Variants in FAM13A observed in about 807,000 individuals in gnomAD.
FAM13A encodes protein FAM13A.
Under a neutral mutation model 129.6 loss-of-function variants are expected in FAM13A, and 76 were observed. The observed-to-expected ratio is 0.59, with a 90% confidence interval of 0.49 to 0.71. FAM13A has a LOEUF of 0.71. Among genes scored for constraint, FAM13A ranks in the 30% least tolerant of loss-of-function variants. The probability of loss-of-function intolerance (pLI) is 0.00; values close to 1 mark genes in which losing one functional copy is unlikely to be tolerated. For missense variants in FAM13A, 1,108 were observed against 1,249.3 expected, an observed-to-expected ratio of 0.89 and a Z score of 1.70; for synonymous variants, 443 against 449.9, an observed-to-expected ratio of 0.98 and a Z score of 0.20.
chr4:88,937,007 A>G (rs750728540), intron 5 of FAM13A: 1 of 152,164 alleles, frequency 6.6e-6, no homozygotes, highest in African/African-American at 2.4e-5. Context: ...TCTGAGGCAA[A>G]ACTGAAGTAA....
At chr4:88,990,746 G>A in intron 4 of FAM13A, 1 of 402,558 alleles carries the variant, frequency 2.5e-6, no homozygotes, top group Non-Finnish European at 4.4e-6. Flanking sequence ...TTTAAATAAG[G>A]CTATTTGATT....
intron 6 of FAM13A, among the ~76,000 whole-genome samples, chr4:88,880,392 G>A (rs1017408528): frequency 2.0e-5 from 3 of 152,082 alleles, no homozygotes; most frequent in Non-Finnish European, 2.9e-5. Context: ...AGAGCCAAGC[G>A]AAATATCAGA....
intron 13 of FAM13A, among the ~76,000 whole-genome samples, chr4:88,765,162 G>T (rs1469523812): frequency 6.6e-6 from 1 of 152,060 alleles, no homozygotes; most frequent in Non-Finnish European, 1.5e-5. Flanking sequence ...CATTTCTGAG[G>T]CTGAAAACAA....
intron 5 of FAM13A, among the ~76,000 whole-genome samples, chr4:88,913,866 T>C (rs1458555): frequency 0.17 from 25,700 of 152,130 alleles, 2,313 homozygotes; most frequent in Non-Finnish European, 0.2. Flanking sequence ...AATTGCCTAA[T>C]TGGCAACTCT....
intron 6 of FAM13A, among the ~76,000 whole-genome samples, chr4:88,853,357 T>C (rs1358486974): frequency 1.3e-5 from 2 of 152,174 alleles, no homozygotes; most frequent in Non-Finnish European, 2.9e-5. Context: ...ACTTAAAATC[T>C]ACTCTTTTAG....
At chr4:88,974,912 G>A (rs925702514) in intron 4 of FAM13A, among the ~76,000 whole-genome samples, 4 of 152,128 alleles carry the variant, frequency 2.6e-5, no homozygotes, top group African/African-American at 9.7e-5. Flanking sequence ...TAACACCACT[G>A]CAGCACTTAT....
chr4:88,870,277 C>T (rs1427645645), intron 6 of FAM13A, among the ~76,000 whole-genome samples: 4 of 152,152 alleles, frequency 2.6e-5, no homozygotes, highest in Non-Finnish European at 5.9e-5. Flanking sequence ...CTCACTGGGA[C>T]TGGTTGGACA....
Position 88,851,154 on chromosome 4 carries a change from A to G in FAM13A, c.873T>C (p.Ile291=). Residue 291 remains isoleucine, a synonymous_variant, in exon 7 of 24, where the codon ATT becomes ATC. Coordinates refer to ENST00000264344, the MANE Select transcript of FAM13A (RefSeq NM_014883.4). ...KIPKSRSEGS[I]QAHRVLQPEL... ...CTGGTTGCAGTACTCTGTGGGCCTG[A>G]ATAGATCCCTCACTCCTGGATTTTG... 1 of 1,611,446 alleles carries G rather than the reference A, an allele frequency of 6.2e-7. No individual in the cohort carries two copies. The highest frequency in any genetic ancestry group is 8.5e-7 in the Non-Finnish European group (1 of 1,178,158).
intron 4 of FAM13A, among the ~76,000 whole-genome samples, chr4:88,960,840 C>G (rs1275750669): frequency 1.3e-5 from 2 of 152,154 alleles, no homozygotes; most frequent in Non-Finnish European, 2.9e-5. Context: ...AGAAATTGTG[C>G]AAACCCTAAC....
At chr4:88,928,381 GT>G (rs1434432152) in intron 5 of FAM13A, among the ~76,000 whole-genome samples, 1 of 152,032 alleles carries the variant, frequency 6.6e-6, no homozygotes, top group African/African-American at 2.4e-5. Flanking sequence ...TAAATCTAAT[GT>G]TTCTTTGTTA....
Position 88,901,939 on chromosome 4 carries a change from CCAGAGAATACTATATAACAA to C in FAM13A, c.843+4420_843+4439del, listed in dbSNP as rs200867547. 4.1e-4 allele frequency among the ~76,000 whole-genome samples: 62 copies of C among 152,006 alleles called. No individual in the cohort carries two copies. In the East Asian group the frequency reaches 0.011, roughly 27 times the overall value. On this transcript the variant is annotated intron_variant, in intron 6 of 23. Coordinates refer to ENST00000264344, the MANE Select transcript of FAM13A (RefSeq NM_014883.4). Reference sequence around the variant, plus strand: ...ACTGACCCCACAGAAATACAAACAACCAGAGAATACTATATAACAACAGAGAATACTATAAACACCACTAT... The same window carrying C: ...ACTGACCCCACAGAAATACAAACAACCAGAGAATACTATAAACACCACTAT...
chr4:88,822,897 C>T (rs1276191668), intron 7 of FAM13A: 3 of 1,569,674 alleles, frequency 1.9e-6, no homozygotes, highest in Non-Finnish European at 1.7e-6. Flanking sequence ...CTAAAAGATG[C>T]CAAGTACTGG....
chr4:88,945,848 G>GTATA (rs199669630), intron 4 of FAM13A, among the ~76,000 whole-genome samples: 1 of 122,928 alleles, frequency 8.1e-6, no homozygotes, highest in African/African-American at 3.5e-5. Flanking sequence ...GTGTGTGTGT[G>GTATA]TATATATATA....
At chr4:88,876,844 G>A (rs531008747) in intron 6 of FAM13A, among the ~76,000 whole-genome samples, 2 of 152,278 alleles carry the variant, frequency 1.3e-5, no homozygotes, top group East Asian at 3.9e-4. Flanking sequence ...ACCCGCCTCA[G>A]CCTCCCAAAG....
chr4:88,981,920 C>A (rs1761706751), intron 4 of FAM13A, among the ~76,000 whole-genome samples: 1 of 152,112 alleles, frequency 6.6e-6, no homozygotes, highest in Non-Finnish European at 1.5e-5. Flanking sequence ...CCTCTGATAC[C>A]CTATCAGGAA....
At chr4:88,868,829 T>G (rs1380590912) in intron 6 of FAM13A, among the ~76,000 whole-genome samples, 1 of 152,196 alleles carries the variant, frequency 6.6e-6, no homozygotes, top group African/African-American at 2.4e-5. Flanking sequence ...ATCACCTTCC[T>G]CCTTAGTTTG....
At chr4:88,875,863 T>C (rs1742333650) in intron 6 of FAM13A, among the ~76,000 whole-genome samples, 1 of 152,202 alleles carries the variant, frequency 6.6e-6, no homozygotes, top group Non-Finnish European at 1.5e-5. Flanking sequence ...GCGGCACTAT[T>C]CACAATAGCA....
chr4:88,962,020 G>A (rs940944129), intron 4 of FAM13A, among the ~76,000 whole-genome samples: 7 of 151,026 alleles, frequency 4.6e-5, no homozygotes, highest in African/African-American at 1.5e-4. Context: ...AGAGGGAAGA[G>A]AGAGAAAGGG....
intron 5 of FAM13A, among the ~76,000 whole-genome samples, chr4:88,923,827 C>T (rs1443193216): frequency 2.0e-5 from 3 of 152,100 alleles, no homozygotes. Context: ...CCAAAATCTC[C>T]TTAAGCTGAT....
Sources: gnomAD v4.1 joint callset for allele counts (sites outside exome capture counted in the v4.1 genomes callset) on GRCh38, gnomAD v4.1.1 for gene constraint, MANE v1.5 for transcripts, NCBI Gene and HGNC (gene_info 2026-07-23, HGNC 2026-07-21) for gene names.